The following ANKFN1 variants were observed in gnomAD, a reference collection of about 807,000 sequenced individuals.
The protein encoded by ANKFN1 is ankyrin repeat and fibronectin type-III domain-containing protein 1.
ANKFN1 carries 74 observed loss-of-function variants against 108.7 expected under a neutral mutation model. The observed-to-expected ratio is 0.68, with a 90% CI of 0.56 to 0.83. ANKFN1 has a LOEUF of 0.83. Among genes scored for constraint, ANKFN1 ranks in the 40% least tolerant of loss-of-function variants. The pLI, the probability that ANKFN1 is intolerant of heterozygous loss-of-function variation, is 0.00. For synonymous variants in ANKFN1, 547 were observed against 516.2 expected (o/e 1.06, Z -0.81); for missense variants, 1,505 against 1,382.3 (o/e 1.09, Z -1.41).
At chr17:56,046,653 C>T (rs1904683250) in intron 4 of ANKFN1, among the ~76,000 whole-genome samples, 1 of 152,124 alleles carries the variant, frequency 6.6e-6, no homozygotes, top group African/African-American at 2.4e-5. Context: ...GGGTTTCTTT[C>T]CCAAGTTTCT....
At chr17:56,217,858 T>C (rs1915536437) in intron 2 of ANKFN1, among the ~76,000 whole-genome samples, 1 of 152,192 alleles carries the variant, frequency 6.6e-6, no homozygotes, top group Non-Finnish European at 1.5e-5. Context: ...CTGTGTTCCC[T>C]GAAGAATAAT....
chr17:56,064,252 C>G (rs1288665267), intron 4 of ANKFN1, among the ~76,000 whole-genome samples: 1 of 152,200 alleles, frequency 6.6e-6, no homozygotes, highest in Non-Finnish European at 1.5e-5. Context: ...AGCACTTTGT[C>G]CCTTGATGGA....
At position 56,480,917 on chromosome 17, in the gene ANKFN1, GTGTGTA is replaced by G. The variant is rs755462200; in HGVS notation, c.2091+100_2091+105del. On this transcript the variant is annotated intron_variant, in intron 17 of 20. Transcript: ENST00000682825. ...TGTGTGTGTGTGTGTGTGTGTGTGTGTGTGTAAATTTTCCTTTACTTAAACACCACT... is the reference window on the plus strand; with the variant it reads ...TGTGTGTGTGTGTGTGTGTGTGTGTGAATTTTCCTTTACTTAAACACCACT... 2.5e-3 allele frequency: 3,120 copies of G among 1,260,552 alleles called. 9 individuals are homozygous for G. The highest frequency in any genetic ancestry group is 6.3e-3 in the African/African-American group (373 of 58,764). The allele number at this position is 1,260,552 out of a possible 1,614,324, so 78.1% of individuals were successfully genotyped here. A position where few individuals can be genotyped will look rare whatever the true frequency, so the allele number is the denominator to read the frequency against.
In ANKFN1 at chr17:56,498,999, C is replaced by A; in HGVS notation, c.2545C>A (p.Gln849Lys). The part of the protein sequence containing the change: ...ITKLIDPSDE[Q>K]SLKKINSTSS... Reference sequence around the variant, plus strand: ...TAAGCTGATAGACCCCTCAGATGAGCAGAGCCTAAAGAAGATCAATTCTAC... The same window carrying A: ...TAAGCTGATAGACCCCTCAGATGAGAAGAGCCTAAAGAAGATCAATTCTAC... Residue 849 changes from glutamine (Q) to lysine (K), a missense_variant, in exon 20 of 21, where the codon CAG becomes AAG. By Grantham distance (53) the Gln-to-Lys change is moderately conservative (BLOSUM62 1). Transcript: ENST00000682825. 1 of 1,535,746 alleles carries A rather than the reference C, an allele frequency of 6.5e-7. No individual in the cohort carries two copies. The highest frequency in any genetic ancestry group is 8.7e-7 in the Non-Finnish European group (1 of 1,146,640).
At position 56,368,216 on chromosome 17, in the gene ANKFN1, A is replaced by T. The variant is rs184431947; in HGVS notation, c.602-4430A>T. 6.0e-4 allele frequency: 780 copies of T among 1,289,606 alleles called. 5 individuals are homozygous for T. The African/African-American group carries it at 9.4e-3, about 16-fold the overall frequency. The allele number at this position is 1,289,606 out of a possible 1,614,324, so 79.9% of individuals were successfully genotyped here. A position where few individuals can be genotyped will look rare whatever the true frequency, so the allele number is the denominator to read the frequency against. On this transcript the variant is annotated intron_variant, in intron 6 of 20. Transcript: ENST00000682825. ...CATACACAAATTACAAAAGTCTGAA[A>T]TTTTTTTATCAAGAGGTATAAAACA...
intron 6 of ANKFN1, among the ~76,000 whole-genome samples, chr17:56,356,714 C>T (rs1300316114): frequency 2.6e-5 from 4 of 152,210 alleles, no homozygotes; most frequent in Admixed American, 2.0e-4. Context: ...TGCTGCCTTC[C>T]GGTTTATTCT....
At chr17:56,311,064 T>C (rs183166508) in intron 3 of ANKFN1, among the ~76,000 whole-genome samples, 46 of 152,256 alleles carry the variant, frequency 3.0e-4, no homozygotes, top group Admixed American at 2.6e-3. Flanking sequence ...TTTAGCATAA[T>C]GTCCTCCAGG....
chr17:56,442,879 A>G lies in ANKFN1; in HGVS notation c.1045A>G (p.Met349Val), dbSNP rs1412306419. 6.2e-7 allele frequency: 1 copy of G among 1,613,814 alleles called. No homozygotes were observed. Among genetic ancestry groups the G allele is most frequent in the Non-Finnish European group, 8.5e-7 (1 of 1,179,784 alleles). Residue 349 changes from methionine (M) to valine (V), a missense_variant, in exon 10 of 21, where the codon ATG becomes GTG. By Grantham distance (21) the Met-to-Val change is conservative. Transcript: ENST00000682825. ...TTTTGTTCAAGTCTCGGCTTACAAT[A>G]TGAAAGGATGGGGACCTGCTCAGAC... ...QYFVQVSAYN[M>V]KGWGPAQTTT...
chr17:56,275,594 T>G (rs1487351279), intron 3 of ANKFN1, among the ~76,000 whole-genome samples: 2 of 152,180 alleles, frequency 1.3e-5, no homozygotes, highest in African/African-American at 4.8e-5. Context: ...TCAAATACAG[T>G]GTTTAAAACG....
At position 56,516,437 on chromosome 17, in the gene ANKFN1, T is replaced by C. The variant is rs185909111; in HGVS notation, c.*5168T>C. Reference sequence around the variant, plus strand: ...TTCAGAATTTATTGTGTCTTATTGCTATGTATGCAACTGAGTGTATGTTAA... The same window carrying C: ...TTCAGAATTTATTGTGTCTTATTGCCATGTATGCAACTGAGTGTATGTTAA... On this transcript the variant is annotated 3_prime_UTR_variant, in exon 21 of 21. Transcript: ENST00000682825. Among the ~76,000 whole-genome samples the C allele has an allele frequency of 1.0e-3, 159 of 152,346 alleles. No homozygotes were observed. The highest frequency in any genetic ancestry group is 3.4e-3 in the Middle Eastern group (1 of 294).
Position 56,440,393 on chromosome 17 carries a change from C to T in ANKFN1, c.977C>T (p.Thr326Ile), listed in dbSNP as rs1367696385. 2 of 1,612,386 alleles carry T rather than the reference C, an allele frequency of 1.2e-6. No homozygotes were observed. The highest frequency in any genetic ancestry group is 1.7e-6 in the Non-Finnish European group (2 of 1,178,934). ...GAAATCATCATGGATAATCTGCAGA[C>T]TCTGAGATGCACAATCACAGGACTT... ...AGEIIMDNLQ[T>I]LRCTITGLTM... The change falls in exon 9 of 21, where the codon ACT becomes ATT. Residue 326 changes from threonine (T) to isoleucine (I), a missense_variant. Coordinates refer to ENST00000682825, the MANE Select transcript of ANKFN1 (RefSeq NM_001370326.1).
intron 4 of ANKFN1, among the ~76,000 whole-genome samples, chr17:56,128,473 C>T (rs1306411404): frequency 1.3e-5 from 2 of 152,118 alleles, no homozygotes; most frequent in Non-Finnish European, 2.9e-5. Flanking sequence ...AATGTTCTTT[C>T]GTTGAGTATA....
At chr17:56,126,195 G>C (rs1361269830) in intron 4 of ANKFN1, among the ~76,000 whole-genome samples, 1 of 152,070 alleles carries the variant, frequency 6.6e-6, no homozygotes, top group African/African-American at 2.4e-5. Context: ...CAGTCCTCCA[G>C]GGGTGTTTTT....
chr17:56,086,480 G>A (rs1007558997), intron 4 of ANKFN1, among the ~76,000 whole-genome samples: 3 of 151,386 alleles, frequency 2.0e-5, no homozygotes, highest in African/African-American at 7.3e-5. Context: ...AAGGATTACT[G>A]TTTCAAAGTT....
At chr17:56,243,706 C>G (rs1012471685) in intron 3 of ANKFN1, among the ~76,000 whole-genome samples, 1 of 152,102 alleles carries the variant, frequency 6.6e-6, no homozygotes, top group Non-Finnish European at 1.5e-5. Context: ...CACCCCCATC[C>G]CATCCCCTGT....
At chr17:56,122,573 A>G (rs1276832548) in intron 4 of ANKFN1, among the ~76,000 whole-genome samples, 6 of 152,202 alleles carry the variant, frequency 3.9e-5, no homozygotes, top group Non-Finnish European at 8.8e-5. Context: ...AGGATCCCAC[A>G]GAGAAAACTT....
At chr17:56,395,938 C>T (rs967430604) in intron 8 of ANKFN1, among the ~76,000 whole-genome samples, 1 of 152,160 alleles carries the variant, frequency 6.6e-6, no homozygotes, top group Non-Finnish European at 1.5e-5. Context: ...TTTTGCATCC[C>T]TCAAGTGGCC....
rs2046279272 is a variant in ANKFN1 at position 56,352,815 on chromosome 17, G to A, written c.391-1021G>A. ...CTAGCAGATATTTGGAAATAAGGAA[G>A]TAACATGTAACATGTATATTTTAGG... On this transcript the variant is annotated intron_variant, in intron 5 of 20. Coordinates refer to ENST00000682825, the MANE Select transcript of ANKFN1 (RefSeq NM_001370326.1). Among the ~76,000 whole-genome samples the A allele has an allele frequency of 2.0e-5, 3 of 152,266 alleles. No homozygotes were observed. In the South Asian group the frequency reaches 6.2e-4, roughly 32 times the overall value.
In ANKFN1 at chr17:56,397,345, A is replaced by G. The variant is rs372894405; in HGVS notation, c.910+22631A>G. Among the ~76,000 whole-genome samples the G allele has an allele frequency of 4.6e-5, 7 of 152,290 alleles. No individual in the cohort carries two copies. The East Asian group carries it at 7.8e-4, about 17-fold the overall frequency. On this transcript the variant is annotated intron_variant, in intron 8 of 20. Transcript: ENST00000682825. Reference sequence around the variant, plus strand: ...TTCCATTTCTGATGACGTGTGTGCTAAGAACTACACCAATCAATAGAAATA... The same window carrying G: ...TTCCATTTCTGATGACGTGTGTGCTGAGAACTACACCAATCAATAGAAATA...
Sources: allele counts gnomAD v4.1 joint callset (sites outside exome capture counted in the v4.1 genomes callset), GRCh38; gene constraint gnomAD v4.1.1; transcripts MANE v1.5; gene names NCBI Gene and HGNC (gene_info 2026-07-23, HGNC 2026-07-21).